Variants in PTPN6 observed in about 807,000 individuals in gnomAD.
The protein encoded by PTPN6 is protein tyrosine phosphatase non-receptor type 6, also known as tyrosine-protein phosphatase non-receptor type 6.
A neutral mutation model predicts 81.5 loss-of-function variants in PTPN6; 18 were observed. The ratio of observed to expected loss-of-function variants is 0.22; its 90% CI spans 0.15 to 0.33. The LOEUF (loss-of-function observed/expected upper bound fraction) is 0.33, where lower values mean the gene tolerates loss of function less well. Ranked by LOEUF, PTPN6 falls within the 10% of genes least tolerant of loss-of-function variation. The probability of loss-of-function intolerance (pLI) is 1.00; values close to 1 mark genes in which losing one functional copy is unlikely to be tolerated. For synonymous variants in PTPN6, 301 were observed against 310.9 expected (o/e 0.97, Z 0.33); for missense variants, 500 against 794.2 (o/e 0.63, Z 4.45).
At position 6,955,648 on chromosome 12, in the gene PTPN6, C is replaced by A. The variant is rs200557634; in HGVS notation, c.748-12C>A. On this transcript the variant is annotated splice_polypyrimidine_tract_variant and intron_variant, in intron 6 of 15. Coordinates refer to ENST00000318974, the MANE Select transcript of PTPN6 (RefSeq NM_002831.6). The surrounding 1 kb of genome is among the most constrained non-coding windows in gnomAD (Gnocchi z 7.2). ...TTGGGAGCTGATGCTCATTTCCCCA[C>A]CCACATCTCAGAGTTTGCAGAAGCA... 1.2e-6 allele frequency: 2 copies of A among 1,613,142 alleles called. No homozygotes were observed. Among genetic ancestry groups the A allele is most frequent in the Non-Finnish European group, 1.7e-6 (2 of 1,179,168 alleles).
In PTPN6 at chr12:6,959,764, C is replaced by G. The variant is rs1410790243; in HGVS notation, c.1362-163C>G. On this transcript the variant is annotated intron_variant, in intron 11 of 15. Transcript: ENST00000318974. The surrounding 1 kb of genome is among the most constrained non-coding windows in gnomAD (Gnocchi z 6.6). The stretch of plus-strand genomic sequence containing the variant: ...TGGAGCGTGTCCATGCAGAGCTGGG[C>G]AAACCTCCATCATCACTTGCCCGGT... 9 of 762,494 alleles carry G rather than the reference C, an allele frequency of 1.2e-5. No homozygotes were observed. Among genetic ancestry groups the G allele is most frequent in the Non-Finnish European group, 1.8e-5 (8 of 446,898 alleles). 47.2% of individuals were successfully genotyped at this position (762,494 alleles called of 1,614,324 possible). A position where few individuals can be genotyped will look rare whatever the true frequency, so the allele number is the denominator to read the frequency against.
In PTPN6 at chr12:6,956,549, G is replaced by A. The variant is rs923201462; in HGVS notation, c.1055G>A (p.Arg352Gln). Residue 352 changes from arginine to glutamine, a missense_variant, in exon 9 of 16, where the codon CGA becomes CAA. Arg to Gln is a conservative substitution (Grantham distance 43, BLOSUM62 1). Coordinates refer to ENST00000318974, the MANE Select transcript of PTPN6 (RefSeq NM_002831.6). The surrounding 1 kb of genome is among the most constrained non-coding windows in gnomAD (Gnocchi z 4.1). ...ENSRVIVMTT[R>Q]EVEKGRNKCV... ...AGCCGTGTCATCGTCATGACCACCC[G>A]AGAGGTGGAGAAAGGCCGGGTAGGG... is the stretch of plus-strand genomic sequence containing the variant. 2.0e-5 allele frequency: 32 copies of A among 1,613,780 alleles called. No homozygotes were observed. Among genetic ancestry groups the A allele is most frequent in the Non-Finnish European group, 2.3e-5 (27 of 1,180,036 alleles).
Position 6,960,136 on chromosome 12 carries a change from C to T in PTPN6, c.1478C>T (p.Ala493Val), listed in dbSNP as rs1272459641. The T allele has an allele frequency of 6.8e-6, 11 of 1,613,628 alleles. No individual in the cohort carries two copies. Among genetic ancestry groups the T allele is most frequent in the African/African-American group, 1.3e-5 (1 of 74,912 alleles). Residue 493 changes from alanine (A) to valine (V), a missense_variant, in exon 13 of 16, where the codon GCG becomes GTG. By Grantham distance (64) the Ala-to-Val change is moderately conservative (BLOSUM62 0). Coordinates refer to ENST00000318974, the MANE Select transcript of PTPN6 (RefSeq NM_002831.6). This position sits in a 1 kb window ranked among gnomAD's most constrained non-coding sequence, Gnocchi z 6.1. ...DIQKTIQMVR[A>V]QRSGMVQTEA... ...CAGAAGACCATCCAGATGGTGCGGG[C>T]GCAGCGCTCGGGCATGGTGCAGACG... is the stretch of plus-strand genomic sequence containing the variant.
At position 6,951,565 on chromosome 12, in the gene PTPN6, G is replaced by C; in HGVS notation, c.9-44G>C. 6.2e-7 allele frequency: 1 copy of C among 1,614,030 alleles called. No individual in the cohort carries two copies. The highest frequency in any genetic ancestry group is 1.3e-5 in the African/African-American group (1 of 75,022). ...GGTAGACAGGAGGCAAGGGTGCCTG[G>C]TGCCCACGGGACCCCTCCTCACTGC... On this transcript the variant is annotated intron_variant, in intron 1 of 15. Transcript: ENST00000318974. The surrounding 1 kb of genome is among the most constrained non-coding windows in gnomAD (Gnocchi z 7.2).
chr12:6,955,006 AG>A lies in PTPN6; in HGVS notation c.516+14del. ...AGGTCATGTGCGAGGTAAGGCAGCC[AG>A]GCGGCGGGGGAGCCTCTGCTGAGGC... On this transcript the variant is annotated intron_variant, in intron 4 of 15. Coordinates refer to ENST00000318974, the MANE Select transcript of PTPN6 (RefSeq NM_002831.6). The surrounding 1 kb of genome is among the most constrained non-coding windows in gnomAD (Gnocchi z 7.2). The A allele has an allele frequency of 6.2e-7, 1 of 1,614,056 alleles. No homozygotes were observed. The highest frequency in any genetic ancestry group is 1.3e-5 in the African/African-American group (1 of 75,064).
In PTPN6 at chr12:6,960,816, G is replaced by A; in HGVS notation, c.1684G>A (p.Asp562Asn). The stretch of plus-strand genomic sequence containing the variant: ...TGCACCCGGCTGCAGACACAAGGAG[G>A]ATGTGTATGAGAACCTGCACACTAA... The part of the protein sequence containing the change: ...ASRTSSKHKE[D>N]VYENLHTKNK... The change falls in exon 15 of 16, where the codon GAT becomes AAT. Residue 562 changes from aspartate (D) to asparagine (N), a missense_variant. Around this residue, in one of 6 missense-constraint regions of PTPN6, gnomAD observed 56 missense variants for 56.4 expected, o/e 0.99. Coordinates refer to ENST00000318974, the MANE Select transcript of PTPN6 (RefSeq NM_002831.6). This position sits in a 1 kb window ranked among gnomAD's most constrained non-coding sequence, Gnocchi z 6.1. The A allele has an allele frequency of 1.9e-6, 3 of 1,565,942 alleles. No individual in the cohort carries two copies. Among genetic ancestry groups the A allele is most frequent in the Non-Finnish European group, 2.6e-6 (3 of 1,154,706 alleles).
At chr12:6,961,079 C>T in intron 15 of PTPN6, 47 bp from the exon 16 acceptor site, 2 of 1,392,138 alleles carry the variant, frequency 1.4e-6, no homozygotes, top group Non-Finnish European at 2.0e-6. Context: ...TGTTCCACCT[C>T]CAGGTTCCAG....
In PTPN6 at chr12:6,952,222, G is replaced by T. The variant is rs782008271; in HGVS notation, c.326+45G>T. ...GCCATTCCCAAGCAGGGATGAGCCGGCTCCCACCCTGAACAGCCAGGGAGG... is the reference window on the plus strand; with the variant it reads ...GCCATTCCCAAGCAGGGATGAGCCGTCTCCCACCCTGAACAGCCAGGGAGG... On this transcript the variant is annotated intron_variant, in intron 3 of 15. Transcript: ENST00000318974. The surrounding 1 kb of genome is among the most constrained non-coding windows in gnomAD (Gnocchi z 8.1). 6.2e-7 allele frequency: 1 copy of T among 1,607,768 alleles called. No individual in the cohort carries two copies. The highest frequency in any genetic ancestry group is 1.3e-5 in the African/African-American group (1 of 74,756).
chr12:6,953,989 G>T (rs1353480881), intron 3 of PTPN6, among the ~76,000 whole-genome samples: 1 of 152,182 alleles, frequency 6.6e-6, no homozygotes, highest in Non-Finnish European at 1.5e-5. Context: ...GGAGTTTTGT[G>T]TTTTTTCCAT....
rs1555148273 is a variant in PTPN6 at position 6,954,734 on chromosome 12, C to T, written c.327-71C>T. The T allele has an allele frequency of 6.7e-7, 1 of 1,493,968 alleles. No individual in the cohort carries two copies. The highest frequency in any genetic ancestry group is 1.4e-5 in the African/African-American group (1 of 72,346). The allele number at this position is 1,493,968 out of a possible 1,614,324, so 92.5% of individuals were successfully genotyped here. Reference sequence around the variant, plus strand: ...TAGGTGCTTGATTTCCGGCCCCTCTCTGTGAATGTCTCTGCTCAGCGCCTT... The same window carrying T: ...TAGGTGCTTGATTTCCGGCCCCTCTTTGTGAATGTCTCTGCTCAGCGCCTT... On this transcript the variant is annotated intron_variant, in intron 3 of 15. Transcript: ENST00000318974. The surrounding 1 kb of genome is among the most constrained non-coding windows in gnomAD (Gnocchi z 5.4).
Position 6,951,705 on chromosome 12 carries a change from C to G in PTPN6, c.105C>G (p.Asn35Lys). Reference protein sequence around the residue: ...GSFLARPSRKNQGDFSLSVRV... With the variant: ...GSFLARPSRKKQGDFSLSVRV... ...TCCTGGCTCGGCCCAGTCGCAAGAA[C>G]CAGGGTGACTTCTCGCTCTCCGTCA... The change falls in exon 2 of 16, where the codon AAC becomes AAG. Residue 35 changes from asparagine (N) to lysine (K), a missense_variant. Asn to Lys is a moderately conservative substitution (Grantham distance 94, BLOSUM62 0). Coordinates refer to ENST00000318974, the MANE Select transcript of PTPN6 (RefSeq NM_002831.6). The surrounding 1 kb of genome is among the most constrained non-coding windows in gnomAD (Gnocchi z 7.2). The G allele has an allele frequency of 6.2e-7, 1 of 1,613,370 alleles. No individual in the cohort carries two copies. Among genetic ancestry groups the G allele is most frequent in the Non-Finnish European group, 8.5e-7 (1 of 1,180,000 alleles).
Position 6,955,164 on chromosome 12 carries a change from C to G in PTPN6, c.530C>G (p.Thr177Arg). ...IKVMCEGGRYTVGGLETFDSL... is the reference protein window; with the variant it reads ...IKVMCEGGRYRVGGLETFDSL... ...GGCTCCCCCCAGGGTGGACGCTACA[C>G]AGTGGGTGGTTTGGAGACCTTCGAC... Residue 177 changes from threonine (T) to arginine (R), a missense_variant, in exon 5 of 16, where the codon ACA becomes AGA. Coordinates refer to ENST00000318974, the MANE Select transcript of PTPN6 (RefSeq NM_002831.6). This position sits in a 1 kb window ranked among gnomAD's most constrained non-coding sequence, Gnocchi z 7.2. 1 of 1,614,162 alleles carries G rather than the reference C, an allele frequency of 6.2e-7. No homozygotes were observed. The highest frequency in any genetic ancestry group is 8.5e-7 in the Non-Finnish European group (1 of 1,180,008).
chr12:6,946,798 CTTTGT>C, upstream of PTPN6: 1 of 1,530,680 alleles, frequency 6.5e-7, no homozygotes, highest in Non-Finnish European at 9.0e-7. Context: ...GGAGGGAGGG[CTTTGT>C]TGATGCTCAC....
chr12:6,956,233 G>C lies in PTPN6; in HGVS notation c.924+12G>C. On this transcript the variant is annotated intron_variant, in intron 8 of 15. Transcript: ENST00000318974. This position sits in a 1 kb window ranked among gnomAD's most constrained non-coding sequence, Gnocchi z 4.1. ...CCAACTACATCAAGGTCAGCAGTGT[G>C]GGCCACGTGGGAGGAGAGGCTGGGC... is the stretch of plus-strand genomic sequence containing the variant. The C allele has an allele frequency of 6.2e-7, 1 of 1,613,872 alleles. No homozygotes were observed. The highest frequency in any genetic ancestry group is 8.5e-7 in the Non-Finnish European group (1 of 1,179,740).
At position 6,955,277 on chromosome 12, in the gene PTPN6, G is replaced by A. The variant is rs782187652; in HGVS notation, c.633+10G>A. ...TGTCTACCTGCGGCAGGTCAGGGGT[G>A]GGCCCAGCTGCCTCCCCACTTCCCC... On this transcript the variant is annotated intron_variant, in intron 5 of 15. Coordinates refer to ENST00000318974, the MANE Select transcript of PTPN6 (RefSeq NM_002831.6). This position sits in a 1 kb window ranked among gnomAD's most constrained non-coding sequence, Gnocchi z 7.2. 6 of 1,613,184 alleles carry A rather than the reference G, an allele frequency of 3.7e-6. No homozygotes were observed. The highest frequency in any genetic ancestry group is 1.3e-5 in the African/African-American group (1 of 74,894).
Position 6,957,716 on chromosome 12 carries a change from G to A in PTPN6, c.1137G>A (p.Val379=). The A allele has an allele frequency of 2.5e-6, 4 of 1,611,272 alleles. No homozygotes were observed. Among genetic ancestry groups the A allele is most frequent in the Non-Finnish European group, 3.4e-6 (4 of 1,178,324 alleles). ...GMQRAYGPYS[V]TNCGEHDTTE... ...AGCGTGCTTATGGGCCCTACTCTGT[G>A]ACCAACTGCGGGGAGCATGACACAA... Residue 379 remains valine (V), a synonymous_variant, in exon 10 of 16, where the codon GTG becomes GTA. Transcript: ENST00000318974. This position sits in a 1 kb window ranked among gnomAD's most constrained non-coding sequence, Gnocchi z 6.5.
rs372562559 is a variant in PTPN6, at chr12:6,960,261, G to GT, written c.1581+22_1581+23insT. On this transcript the variant is annotated intron_variant, in intron 13 of 15. Coordinates refer to ENST00000318974, the MANE Select transcript of PTPN6 (RefSeq NM_002831.6). The surrounding 1 kb of genome is among the most constrained non-coding windows in gnomAD (Gnocchi z 6.1). Reference sequence around the variant, plus strand: ...GCAGGTGCGTGCAGAGCAGGGCCTGGGGGGGGGGGGGGCTGCAGTGCAGGA... The same window carrying GT: ...GCAGGTGCGTGCAGAGCAGGGCCTGGTGGGGGGGGGGGGCTGCAGTGCAGGA... 2 of 1,317,778 alleles carry GT rather than the reference G, an allele frequency of 1.5e-6. No individual in the cohort carries two copies. The highest frequency in any genetic ancestry group is 1.8e-5 in the African/African-American group (1 of 55,712). 81.6% of individuals were successfully genotyped at this position (1,317,778 alleles called of 1,614,324 possible).
rs1175717890 is a variant in PTPN6, at chr12:6,956,191, G to C, written c.894G>C (p.Gly298=). The change falls in exon 8 of 16, where the codon GGG becomes GGC. Residue 298 remains glycine, a synonymous_variant. Coordinates refer to ENST00000318974, the MANE Select transcript of PTPN6 (RefSeq NM_002831.6). The surrounding 1 kb of genome is among the most constrained non-coding windows in gnomAD (Gnocchi z 4.1). ...AGGGACGGGACAGTAACATCCCCGGGTCCGACTACATCAATGCCAACTACA... is the reference window on the plus strand; with the variant it reads ...AGGGACGGGACAGTAACATCCCCGGCTCCGACTACATCAATGCCAACTACA... The part of the protein sequence containing the change: ...ILQGRDSNIP[G]SDYINANYIK... The C allele has an allele frequency of 1.4e-5, 22 of 1,614,192 alleles. No homozygotes were observed. In the East Asian group the frequency reaches 4.9e-4, roughly 36 times the overall value.
At chr12:6,947,971 A>T (rs7310161), upstream of PTPN6, among the ~76,000 whole-genome samples, 90,397 of 151,912 alleles carry the variant, frequency 0.6, 28,190 homozygotes, top group African/African-American at 0.79. Flanking sequence ...AGGTTAGACC[A>T]TGTTGGAGCT....
Sources: allele counts gnomAD v4.1 joint callset (sites outside exome capture counted in the v4.1 genomes callset), GRCh38; gene constraint gnomAD v4.1.1; regional missense constraint gnomAD v4.1.1; non-coding constraint Gnocchi (gnomAD v3.1); transcripts MANE v1.5; gene names NCBI Gene and HGNC (gene_info 2026-07-23, HGNC 2026-07-21).